Variants in FHIT observed in about 807,000 individuals in gnomAD.
FHIT encodes fragile histidine triad diadenosine triphosphatase, also known as bis(5'-adenosyl)-triphosphatase.
A neutral mutation model predicts 17.9 loss-of-function variants in FHIT; 19 were observed. The ratio of observed to expected loss-of-function variants is 1.06; its 90% CI spans 0.74 to 1.56. The LOEUF (loss-of-function observed/expected upper bound fraction) is 1.56. Among genes scored for constraint, FHIT ranks in the 40% most tolerant of loss-of-function variants. The pLI is 0.00. For missense variants in FHIT, 248 were observed against 189.2 expected, an observed-to-expected ratio of 1.31 and a Z score of -1.82; for synonymous variants, 81 against 69.7, an observed-to-expected ratio of 1.16 and a Z score of -0.81.
At chr3:59,960,513 G>A (rs527411792) in intron 7 of FHIT, among the ~76,000 whole-genome samples, 3 of 152,286 alleles carry the variant, frequency 2.0e-5, no homozygotes, top group East Asian at 1.9e-4. Flanking sequence ...CTAAAAGGGA[G>A]TTAGGTTTTA....
At chr3:59,839,372 T>C (rs998216655) in intron 8 of FHIT, among the ~76,000 whole-genome samples, 1 of 151,862 alleles carries the variant, frequency 6.6e-6, no homozygotes, top group Non-Finnish European at 1.5e-5. Flanking sequence ...TTATCATTAG[T>C]ACCATACAGG....
At chr3:59,853,258 T>G (rs1287063856) in intron 8 of FHIT, among the ~76,000 whole-genome samples, 5 of 152,216 alleles carry the variant, frequency 3.3e-5, no homozygotes, top group Non-Finnish European at 5.9e-5. Flanking sequence ...ACACTCATTT[T>G]TGAAATATCC....
At chr3:61,242,372 TATAA>T (rs1367175081) in intron 1 of FHIT, among the ~76,000 whole-genome samples, 3 of 152,126 alleles carry the variant, frequency 2.0e-5, no homozygotes, top group Non-Finnish European at 4.4e-5. Flanking sequence ...ACATATTTTC[TATAA>T]ATAAAGGTTT....
At chr3:60,799,615 T>C (rs1701114062) in intron 4 of FHIT, among the ~76,000 whole-genome samples, 2 of 152,246 alleles carry the variant, frequency 1.3e-5, no homozygotes, top group South Asian at 4.1e-4. Flanking sequence ...ATTTCTTGCC[T>C]CGGGACCTTT....
At chr3:60,732,834 G>A (rs917421742) in intron 4 of FHIT, among the ~76,000 whole-genome samples, 2 of 151,812 alleles carry the variant, frequency 1.3e-5, no homozygotes, top group Non-Finnish European at 2.9e-5. Flanking sequence ...CTACAGATGC[G>A]AGCTACCACA....
At chr3:60,777,603 G>A (rs1700251773) in intron 4 of FHIT, among the ~76,000 whole-genome samples, 1 of 152,220 alleles carries the variant, frequency 6.6e-6, no homozygotes, top group Admixed American at 6.5e-5. Flanking sequence ...AGAAAGGAAT[G>A]AAAACAAAGG....
intron 4 of FHIT, among the ~76,000 whole-genome samples, chr3:60,632,542 A>G (rs2039473328): frequency 6.6e-6 from 1 of 152,226 alleles, no homozygotes; most frequent in African/African-American, 2.4e-5. Flanking sequence ...TGACAAAGGC[A>G]CAGAATATAA....
chr3:60,598,646 A>C (rs540045997), intron 4 of FHIT, among the ~76,000 whole-genome samples: 1 of 152,346 alleles, frequency 6.6e-6, no homozygotes, highest in South Asian at 2.1e-4. Context: ...GCATATTATC[A>C]GCACCAAAAA....
chr3:60,448,121 T>C lies in FHIT; in HGVS notation c.103+88739A>G, dbSNP rs1004318955. 2.6e-5 allele frequency among the ~76,000 whole-genome samples: 4 copies of C among 152,146 alleles called. No homozygotes were observed. The South Asian group carries it at 6.2e-4, about 24-fold the overall frequency. Reference sequence around the variant, plus strand: ...TGTCCATGGTGGATACTGACCTCAATTGCTCTCGGATTATAACGGACTATA... The same window carrying C: ...TGTCCATGGTGGATACTGACCTCAACTGCTCTCGGATTATAACGGACTATA... On this transcript the variant is annotated intron_variant, in intron 5 of 9. Coordinates refer to ENST00000492590, the MANE Select transcript of FHIT (RefSeq NM_002012.4).
rs914188182 is a variant in FHIT at position 60,372,069 on chromosome 3, T to C, written c.103+164791A>G. Among the ~76,000 whole-genome samples the C allele has an allele frequency of 5.3e-5, 8 of 152,278 alleles. 2 individuals are homozygous for C. The South Asian group carries it at 1.0e-3, about 20-fold the overall frequency. On this transcript the variant is annotated intron_variant, in intron 5 of 9. Transcript: ENST00000492590. Reference sequence around the variant, plus strand: ...CATTTTCATTACATACATCACTGCATTGTGGCGGTATCTCCAGAATGGCTT... The same window carrying C: ...CATTTTCATTACATACATCACTGCACTGTGGCGGTATCTCCAGAATGGCTT...
intron 4 of FHIT, among the ~76,000 whole-genome samples, chr3:60,785,977 CAGAGAT>C (rs66725884): frequency 0.036 from 5,482 of 151,008 alleles, 167 homozygotes; most frequent in Non-Finnish European, 0.045. Flanking sequence ...AGATTATCTA[CAGAGAT>C]AAAGACAGAA....
intron 4 of FHIT, among the ~76,000 whole-genome samples, chr3:60,810,924 A>C (rs1334807592): frequency 2.0e-5 from 3 of 152,182 alleles, no homozygotes; most frequent in African/African-American, 7.2e-5. Flanking sequence ...TTTAGAAATG[A>C]TTCAGCGTAC....
chr3:59,818,993 T>C lies in FHIT; in HGVS notation c.349-66672A>G, dbSNP rs536110682. Among the ~76,000 whole-genome samples the C allele has an allele frequency of 6.6e-5, 10 of 152,362 alleles. No homozygotes were observed. In the East Asian group the frequency reaches 1.9e-3, roughly 29 times the overall value. Reference sequence around the variant, plus strand: ...AAAATCGCAATGCAGAGAAGAGAGATAAAAAGAAACATCCTGGAGAATTCT... The same window carrying C: ...AAAATCGCAATGCAGAGAAGAGAGACAAAAAGAAACATCCTGGAGAATTCT... On this transcript the variant is annotated intron_variant, in intron 8 of 9. Coordinates refer to ENST00000492590, the MANE Select transcript of FHIT (RefSeq NM_002012.4).
chr3:59,915,397 G>C (rs1350614256), intron 8 of FHIT, among the ~76,000 whole-genome samples: 3 of 152,148 alleles, frequency 2.0e-5, no homozygotes, highest in African/African-American at 7.2e-5. Flanking sequence ...AAACAACATA[G>C]GAGAGCAATT....
At chr3:60,524,390 T>A (rs765653470) in intron 5 of FHIT, among the ~76,000 whole-genome samples, 10 of 152,184 alleles carry the variant, frequency 6.6e-5, no homozygotes, top group South Asian at 2.1e-4. Flanking sequence ...TGAGTGAACA[T>A]AGCATATGTA....
chr3:60,615,797 G>A (rs1419172760), intron 4 of FHIT, among the ~76,000 whole-genome samples: 2 of 152,242 alleles, frequency 1.3e-5, no homozygotes, highest in African/African-American at 2.4e-5. Flanking sequence ...ATAAGATAAG[G>A]CTCCATCTAA....
At chr3:60,609,285 C>T (rs1553672465) in intron 4 of FHIT, among the ~76,000 whole-genome samples, 1 of 151,964 alleles carries the variant, frequency 6.6e-6, no homozygotes, top group East Asian at 1.9e-4. Flanking sequence ...TCTAAGGCTG[C>T]CTATTCCCTT....
chr3:60,055,467 A>G (rs1191711750), intron 5 of FHIT, among the ~76,000 whole-genome samples: 1 of 141,758 alleles, frequency 7.1e-6, no homozygotes, highest in Non-Finnish European at 1.6e-5. Flanking sequence ...TTTTTTTCCA[A>G]TTCTCAGATT....
At chr3:60,271,245 C>T (rs1394946295) in intron 5 of FHIT, among the ~76,000 whole-genome samples, 1 of 151,856 alleles carries the variant, frequency 6.6e-6, no homozygotes, top group Non-Finnish European at 1.5e-5. Context: ...CCAAAAAAAA[C>T]TACAAAAATT....
Sources: allele counts gnomAD v4.1 joint callset (sites outside exome capture counted in the v4.1 genomes callset), GRCh38; gene constraint gnomAD v4.1.1; transcripts MANE v1.5; gene names NCBI Gene and HGNC (gene_info 2026-07-23, HGNC 2026-07-21).